Variants in PTP4A1 observed in about 807,000 individuals in gnomAD.
PTP4A1 encodes the protein protein tyrosine phosphatase 4A1.
Under a neutral mutation model 20.5 loss-of-function variants are expected in PTP4A1, and 9 were observed. The observed-to-expected ratio is 0.44, with a 90% CI of 0.26 to 0.77. PTP4A1 has a LOEUF of 0.77. PTP4A1 is among the 30% of genes least tolerant of loss of function. PTP4A1 has a pLI of 0.19. For missense variants in PTP4A1, 137 were observed against 218.8 expected (o/e 0.63, Z 2.36); for synonymous variants, 78 against 67.4 (o/e 1.16, Z -0.77).
At chr6:63,531,543 T>C (rs1041330329) in intron 2 of PTP4A1, among the ~76,000 whole-genome samples, 3 of 145,614 alleles carry the variant, frequency 2.1e-5, no homozygotes, top group African/African-American at 5.1e-5. Flanking sequence ...GTAAATGCAG[T>C]GGTGCCTGCC....
intron 2 of PTP4A1, among the ~76,000 whole-genome samples, chr6:63,529,131 G>GTGTGTGTATATATATATGTATATATA (rs1554197630): frequency 1.6e-4 from 21 of 131,180 alleles, no homozygotes; most frequent in South Asian, 7.6e-4. Flanking sequence ...GTATATATAT[G>GTGTGTGTATATATATATGTATATATA]TGTGTGTATA....
intron 3 of PTP4A1, chr6:63,550,508 C>T (rs1776389504): frequency 6.6e-6 from 1 of 152,140 alleles, no homozygotes; most frequent in Non-Finnish European, 1.5e-5. Flanking sequence ...GTAGGCCACA[C>T]CAACTTTCAT....
rs1244447877 is a variant in PTP4A1, at chr6:63,576,574, G to T, written c.-307G>T. The T allele has an allele frequency of 2.2e-6, 1 of 453,346 alleles. No homozygotes were observed. Among genetic ancestry groups the T allele is most frequent in the Admixed American group, 4.0e-5 (1 of 25,272 alleles). 28.1% of individuals were successfully genotyped at this position (453,346 alleles called of 1,614,324 possible). A position where few individuals can be genotyped will look rare whatever the true frequency, so the allele number is the denominator to read the frequency against. On this transcript the variant is annotated 5_prime_UTR_variant, in exon 2 of 6. Transcript: ENST00000626021. ...CTGCTCCACCAAGAAGCCCCCATAAGAGTGGTTATCCTGGACACAGAAGTG... is the reference window on the plus strand; with the variant it reads ...CTGCTCCACCAAGAAGCCCCCATAATAGTGGTTATCCTGGACACAGAAGTG...
intron 2 of PTP4A1, among the ~76,000 whole-genome samples, chr6:63,547,793 G>T (rs1409632580): frequency 6.8e-6 from 1 of 146,994 alleles, no homozygotes; most frequent in Non-Finnish European, 1.5e-5. Flanking sequence ...TTACAGGCGT[G>T]AGCCACTGCG....
rs747455425 is a variant in PTP4A1, at chr6:63,581,161, A to T, written c.*987A>T. On this transcript the variant is annotated 3_prime_UTR_variant, in exon 6 of 6. Transcript: ENST00000626021. ...AGTGTGATTTTTTTTTTCCTTCCCA[A>T]CCTCTCTTGCAAAAAAAGAAATGGG... 1 of 151,796 alleles carries T rather than the reference A, an allele frequency of 6.6e-6. No homozygotes were observed. Among genetic ancestry groups the T allele is most frequent in the Non-Finnish European group, 1.5e-5 (1 of 67,884 alleles). 9.4% of individuals were successfully genotyped at this position (151,796 alleles called of 1,614,324 possible).
intron 2 of PTP4A1, among the ~76,000 whole-genome samples, chr6:63,546,076 T>C (rs950659202): frequency 6.6e-5 from 10 of 152,174 alleles, no homozygotes; most frequent in African/African-American, 2.4e-4. Context: ...TACACTCCCT[T>C]GATCCATGCA....
intron 3 of PTP4A1, among the ~76,000 whole-genome samples, chr6:63,562,934 C>G (rs1032715085): frequency 1.6e-4 from 25 of 152,220 alleles, no homozygotes; most frequent in Non-Finnish European, 3.2e-4. Flanking sequence ...TAGCATAAAA[C>G]AGGCTCAAAA....
intron 1 of PTP4A1, among the ~76,000 whole-genome samples, chr6:63,573,900 TTTAGAACTATCCCTGA>T (rs1554141356): frequency 6.6e-6 from 1 of 152,128 alleles, no homozygotes; most frequent in Non-Finnish European, 1.5e-5. Flanking sequence ...TCGGGGACTG[TTTAGAACTATCCCTGA>T]GCTCTGTGGT....
chr6:63,533,466 A>C (rs1260460616), intron 2 of PTP4A1, among the ~76,000 whole-genome samples: 2 of 152,218 alleles, frequency 1.3e-5, no homozygotes. Flanking sequence ...ATGAAAAAAT[A>C]AAGGCTAGAA....
intron 2 of PTP4A1, among the ~76,000 whole-genome samples, chr6:63,543,188 C>G (rs1776052293): frequency 6.6e-6 from 1 of 152,196 alleles, no homozygotes; most frequent in South Asian, 2.1e-4. Flanking sequence ...TCTCATGTCT[C>G]AGTTTGCCAG....
intron 1 of PTP4A1, chr6:63,573,548 G>T (rs1311793757): frequency 6.6e-6 from 1 of 152,234 alleles, no homozygotes; most frequent in Non-Finnish European, 1.5e-5. Flanking sequence ...GCGTGCGCGG[G>T]GCGGCGGCCC....
chr6:63,545,077 T>C (rs1480403982), intron 2 of PTP4A1, among the ~76,000 whole-genome samples: 2 of 152,210 alleles, frequency 1.3e-5, no homozygotes, highest in East Asian at 3.9e-4. Context: ...CCAATTGGCA[T>C]TCTACTGTAA....
At chr6:63,569,731 T>C (rs944318574), upstream of PTP4A1, among the ~76,000 whole-genome samples, 1 of 152,224 alleles carries the variant, frequency 6.6e-6, no homozygotes, top group South Asian at 2.1e-4. Context: ...GAGAAAATCC[T>C]CTATTTTAGA....
chr6:63,552,345 T>C (rs2149490860), intron 3 of PTP4A1, among the ~76,000 whole-genome samples: 1 of 152,350 alleles, frequency 6.6e-6, no homozygotes, highest in East Asian at 1.9e-4. Context: ...TTGAGAAGTG[T>C]CTGTTCATGT....
chr6:63,552,833 T>A (rs1776512619), intron 3 of PTP4A1, among the ~76,000 whole-genome samples: 1 of 152,216 alleles, frequency 6.6e-6, no homozygotes, highest in African/African-American at 2.4e-5. Context: ...TTGTCAAAGA[T>A]CAGATGATTG....
chr6:63,576,681 T>G lies in PTP4A1; in HGVS notation c.-200T>G. ...TCAGTGCACTTCTTTTCTGTTGGCCTCAGTATTACTGGATTGAAGAATTGC... is the reference window on the plus strand; with the variant it reads ...TCAGTGCACTTCTTTTCTGTTGGCCGCAGTATTACTGGATTGAAGAATTGC... On this transcript the variant is annotated 5_prime_UTR_variant, in exon 2 of 6. Coordinates refer to ENST00000626021, the MANE Select transcript of PTP4A1 (RefSeq NM_003463.5). 1.7e-6 allele frequency: 1 copy of G among 584,836 alleles called. No homozygotes were observed. The highest frequency in any genetic ancestry group is 3.0e-6 in the Non-Finnish European group (1 of 333,596). 36.2% of individuals were successfully genotyped at this position (584,836 alleles called of 1,614,324 possible).
intron 1 of PTP4A1, chr6:63,573,435 G>A (rs1169864361): frequency 6.6e-6 from 1 of 152,218 alleles, no homozygotes; most frequent in Non-Finnish European, 1.5e-5. Context: ...CCGAGCCTCA[G>A]ACAAAATGGC....
At chr6:63,554,500 C>T (rs942180090) in intron 3 of PTP4A1, among the ~76,000 whole-genome samples, 7 of 152,118 alleles carry the variant, frequency 4.6e-5, no homozygotes, top group Admixed American at 4.6e-4. Flanking sequence ...ATAAGGAACA[C>T]CTATTACATA....
At chr6:63,550,190 T>C (rs1175921016) in intron 2 of PTP4A1, 1 of 152,172 alleles carries the variant, frequency 6.6e-6, no homozygotes, top group Non-Finnish European at 1.5e-5. Flanking sequence ...TTTTTTAATC[T>C]ACATAATAGA....
Sources: allele counts gnomAD v4.1 joint callset (sites outside exome capture counted in the v4.1 genomes callset), GRCh38; gene constraint gnomAD v4.1.1; transcripts MANE v1.5; gene names NCBI Gene and HGNC (gene_info 2026-07-23, HGNC 2026-07-21).